Variants in POU6F2 observed in about 807,000 individuals in gnomAD.
POU6F2 encodes the protein POU domain, class 6, transcription factor 2.
POU6F2 carries 31 observed loss-of-function variants against 71.3 expected under a neutral mutation model. The observed-to-expected ratio is 0.43, with a 90% confidence interval of 0.33 to 0.59. The LOEUF (loss-of-function observed/expected upper bound fraction) is 0.59, where lower values mean the gene tolerates loss of function less well. POU6F2 is among the 20% of genes least tolerant of loss of function. POU6F2 has a pLI of 0.04. For missense variants in POU6F2, 783 were observed against 856.8 expected (o/e 0.91, Z 1.07); for synonymous variants, 347 against 355.7 (o/e 0.98, Z 0.27).
chr7:39,212,853 A>T (rs966951828), intron 4 of POU6F2, among the ~76,000 whole-genome samples: 6 of 152,190 alleles, frequency 3.9e-5, no homozygotes, highest in Admixed American at 2.0e-4. Flanking sequence ...GCAAAATAAA[A>T]TCCCCTTTAT....
At chr7:39,265,420 C>T (rs1279426418) in intron 4 of POU6F2, among the ~76,000 whole-genome samples, 1 of 152,184 alleles carries the variant, frequency 6.6e-6, no homozygotes, top group Non-Finnish European at 1.5e-5. Context: ...AAATCTCACA[C>T]CTAACCCACA....
chr7:39,356,803 T>C (rs1786270896), intron 5 of POU6F2, among the ~76,000 whole-genome samples: 1 of 152,220 alleles, frequency 6.6e-6, no homozygotes, highest in Non-Finnish European at 1.5e-5. Context: ...AAGCCTTAGA[T>C]GCTACGATGA....
Position 39,055,512 on chromosome 7 carries a change from G to A in POU6F2, c.106-30348G>A, listed in dbSNP as rs564850281. ...TGAGTGAGAATATTAAACAAATAAT[G>A]TTAATTAGGTTACTTTAACTTCCTG... On this transcript the variant is annotated intron_variant, in intron 1 of 9. Coordinates refer to ENST00000518318, the MANE Select transcript of POU6F2 (RefSeq NM_001370959.1). 3.9e-4 allele frequency among the ~76,000 whole-genome samples: 59 copies of A among 152,238 alleles called. No homozygotes were observed. The South Asian group carries it at 0.012, about 32-fold the overall frequency.
chr7:39,141,580 A>G (rs1249260316), intron 2 of POU6F2, among the ~76,000 whole-genome samples: 3 of 152,218 alleles, frequency 2.0e-5, no homozygotes, highest in Admixed American at 6.5e-5. Flanking sequence ...AATGCTTTCC[A>G]CTTCAACCCT....
intron 5 of POU6F2, among the ~76,000 whole-genome samples, chr7:39,380,857 C>T (rs1472325340): frequency 1.3e-5 from 2 of 152,228 alleles, no homozygotes; most frequent in African/African-American, 4.8e-5. Flanking sequence ...GTGTCGTGTG[C>T]ACCAGAAATT....
At chr7:39,218,073 C>T (rs997126963) in intron 4 of POU6F2, among the ~76,000 whole-genome samples, 1 of 152,056 alleles carries the variant, frequency 6.6e-6, no homozygotes, top group African/African-American at 2.4e-5. Context: ...TAAATCAGGG[C>T]TTCTGATGGA....
At chr7:39,148,236 G>A (rs1303488723) in intron 2 of POU6F2, among the ~76,000 whole-genome samples, 2 of 152,162 alleles carry the variant, frequency 1.3e-5, no homozygotes, top group African/African-American at 2.4e-5. Flanking sequence ...GTTCAGGTTG[G>A]ACCTTCTTGA....
chr7:39,053,743 T>G (rs565844976), intron 1 of POU6F2, among the ~76,000 whole-genome samples: 1 of 152,162 alleles, frequency 6.6e-6, no homozygotes, highest in African/African-American at 2.4e-5. Flanking sequence ...AAAAATCGCT[T>G]TGAAGTACTA....
chr7:39,276,299 A>G (rs529574167), intron 4 of POU6F2, among the ~76,000 whole-genome samples: 4 of 152,366 alleles, frequency 2.6e-5, no homozygotes, highest in Admixed American at 2.0e-4. Flanking sequence ...ACACATGAAA[A>G]TATGCTCACC....
intron 1 of POU6F2, among the ~76,000 whole-genome samples, chr7:39,081,420 G>A (rs1791115739): frequency 6.6e-6 from 1 of 152,232 alleles, no homozygotes; most frequent in African/African-American, 2.4e-5. Flanking sequence ...AGACTTCCCT[G>A]CTGAGTTTTC....
intron 2 of POU6F2, among the ~76,000 whole-genome samples, chr7:39,086,663 T>C (rs905139694): frequency 5.3e-5 from 8 of 152,152 alleles, no homozygotes; most frequent in Admixed American, 3.3e-4. Flanking sequence ...GCATCATAAC[T>C]AAAAGTAGAG....
intron 1 of POU6F2, chr7:39,006,756 G>A: frequency 8.3e-7 from 1 of 1,209,148 alleles, no homozygotes; most frequent in Admixed American, 1.7e-5. Flanking sequence ...TTTTCTTCTA[G>A]GCATGAACTC....
chr7:39,158,922 A>G (rs1286484655), intron 2 of POU6F2, among the ~76,000 whole-genome samples: 2 of 152,132 alleles, frequency 1.3e-5, no homozygotes, highest in Non-Finnish European at 2.9e-5. Context: ...CTGTAATCCC[A>G]GCACTTTGGG....
chr7:39,010,631 G>C (rs1383053112), intron 1 of POU6F2, among the ~76,000 whole-genome samples: 2 of 138,258 alleles, frequency 1.4e-5, no homozygotes, highest in African/African-American at 2.7e-5. Context: ...GTCAATTTTG[G>C]ATCTTTCCTG....
At chr7:39,007,820 T>C (rs1424464039) in intron 1 of POU6F2, among the ~76,000 whole-genome samples, 1 of 151,550 alleles carries the variant, frequency 6.6e-6, no homozygotes, top group Non-Finnish European at 1.5e-5. Flanking sequence ...AATGATGTTT[T>C]CCAATTTCAT....
intron 2 of POU6F2, among the ~76,000 whole-genome samples, chr7:39,098,050 C>G (rs1479037847): frequency 6.6e-6 from 1 of 152,108 alleles, no homozygotes; most frequent in African/African-American, 2.4e-5. Context: ...GGTGCATATG[C>G]CGTGGAACAC....
chr7:39,006,684 G>A, intron 1 of POU6F2: 1 of 680,906 alleles, frequency 1.5e-6, no homozygotes. Context: ...CCTGTAAAAA[G>A]CATGTGTGTC....
chr7:39,306,983 G>C (rs547226599), intron 4 of POU6F2, among the ~76,000 whole-genome samples: 1 of 152,314 alleles, frequency 6.6e-6, no homozygotes, highest in African/African-American at 2.4e-5. Flanking sequence ...ATTTTGAAGG[G>C]ATCCATTAGA....
chr7:39,065,173 A>G (rs1480545317), intron 1 of POU6F2, among the ~76,000 whole-genome samples: 1 of 151,794 alleles, frequency 6.6e-6, no homozygotes, highest in Non-Finnish European at 1.5e-5. Flanking sequence ...AATTCTCCCA[A>G]AAAAGAATTC....
Sources: gnomAD v4.1 joint callset for allele counts (sites outside exome capture counted in the v4.1 genomes callset) on GRCh38, gnomAD v4.1.1 for gene constraint, MANE v1.5 for transcripts, NCBI Gene and HGNC (gene_info 2026-07-23, HGNC 2026-07-21) for gene names.